The following ANO4 variants were observed in gnomAD, a reference collection of about 807,000 sequenced individuals.
ANO4 encodes the protein anoctamin-4.
Under a neutral mutation model 141.9 loss-of-function variants are expected in ANO4, and 69 were observed. The observed-to-expected ratio is 0.49, with a 90% CI of 0.40 to 0.59. ANO4 has a LOEUF of 0.59. Among genes scored for constraint, ANO4 ranks in the 20% least tolerant of loss-of-function variants. ANO4 has a pLI of 0.00. For synonymous variants in ANO4, 350 were observed against 394.3 expected, an observed-to-expected ratio of 0.89 and a Z score of 1.33; for missense variants, 894 against 1,162.2, an observed-to-expected ratio of 0.77 and a Z score of 3.36.
chr12:100,930,526 G>C (rs1000108520), intron 3 of ANO4, among the ~76,000 whole-genome samples: 15 of 152,094 alleles, frequency 9.9e-5, no homozygotes, highest in Admixed American at 9.8e-4. Context: ...TCTCTGTTCT[G>C]TTCCACTAAT....
chr12:100,789,943 C>T (rs1431983605), upstream of ANO4, among the ~76,000 whole-genome samples: 4 of 151,986 alleles, frequency 2.6e-5, no homozygotes, highest in South Asian at 2.1e-4. Flanking sequence ...GATAAAAAGA[C>T]GAGAAAAAAC....
chr12:101,020,881 A>G (rs1316705215), intron 9 of ANO4, among the ~76,000 whole-genome samples: 1 of 152,140 alleles, frequency 6.6e-6, no homozygotes, highest in Non-Finnish European at 1.5e-5. Context: ...CAAGTTTTTT[A>G]TCAATAGTTT....
chr12:100,788,938 C>T (rs1256390661), intron 3 of ANO4, among the ~76,000 whole-genome samples: 2 of 151,496 alleles, frequency 1.3e-5, no homozygotes, highest in African/African-American at 2.4e-5. Flanking sequence ...GATAAGAAGC[C>T]ATTCCAGGAT....
chr12:101,008,642 G>A (rs992443390), intron 8 of ANO4, among the ~76,000 whole-genome samples: 1 of 151,984 alleles, frequency 6.6e-6, no homozygotes, highest in Non-Finnish European at 1.5e-5. Context: ...TGCTTGAACT[G>A]GAGTAACTCA....
intron 1 of ANO4, chr12:100,733,679 G>T (rs2031483919): frequency 3.2e-6 from 2 of 620,714 alleles, no homozygotes; most frequent in East Asian, 2.8e-5. Flanking sequence ...TAGACAAGGA[G>T]AGCTGGTTTA....
Position 100,771,954 on chromosome 12 carries a change from T to C in ANO4, c.358+31849T>C, listed in dbSNP as rs113823955. Among the ~76,000 whole-genome samples, 502 of 152,324 alleles carry C rather than the reference T, an allele frequency of 3.3e-3. 3 individuals carry two copies. The highest frequency in any genetic ancestry group is 0.011 in the African/African-American group (475 of 41,566). ...GTTCTTCTAGGCAAAGCCTTTGTCATTGCCTATGATCACACATGAAAAATC... is the reference window on the plus strand; with the variant it reads ...GTTCTTCTAGGCAAAGCCTTTGTCACTGCCTATGATCACACATGAAAAATC... On this transcript the variant is annotated intron_variant, in intron 3 of 29. Coordinates refer to the ANO4 transcript ENST00000644049.
chr12:101,006,148 C>T, intron 8 of ANO4, among the ~76,000 whole-genome samples: 1 of 152,200 alleles, frequency 6.6e-6, no homozygotes, highest in East Asian at 1.9e-4. Context: ...TATTCCCCAG[C>T]CTTTTTCTAC....
intron 1 of ANO4, among the ~76,000 whole-genome samples, chr12:100,825,808 G>A (rs2036303293): frequency 6.6e-6 from 1 of 152,062 alleles, no homozygotes; most frequent in African/African-American, 2.4e-5. Context: ...AGGGAATTAT[G>A]TGATTTTGGG....
intron 14 of ANO4, among the ~76,000 whole-genome samples, chr12:101,073,545 C>T (rs2048905792): frequency 7.4e-6 from 1 of 136,024 alleles, no homozygotes. Context: ...ACGTTGTGCA[C>T]ATATACCCTA....
At chr12:100,794,586 G>A (rs910995805), upstream of ANO4, 1 of 152,252 alleles carries the variant, frequency 6.6e-6, no homozygotes, top group Non-Finnish European at 1.5e-5. Context: ...GGCAATAACT[G>A]ATATGGAATA....
chr12:100,835,180 G>A (rs1376707932), intron 1 of ANO4, among the ~76,000 whole-genome samples: 2 of 152,180 alleles, frequency 1.3e-5, no homozygotes, highest in Non-Finnish European at 2.9e-5. Flanking sequence ...GATGGGCCTG[G>A]TTAGATCTCT....
At chr12:100,982,877 A>C (rs1195901099) in intron 7 of ANO4, among the ~76,000 whole-genome samples, 2 of 152,260 alleles carry the variant, frequency 1.3e-5, no homozygotes, top group South Asian at 4.1e-4. Context: ...CAAATCACCA[A>C]CAACCTGTAG....
At chr12:101,119,119 G>C (rs1442792987) in intron 25 of ANO4, among the ~76,000 whole-genome samples, 1 of 151,958 alleles carries the variant, frequency 6.6e-6, no homozygotes, top group Non-Finnish European at 1.5e-5. Context: ...GTCTATCATT[G>C]ATGGAGCTTT....
chr12:100,876,121 A>G (rs927302432), intron 1 of ANO4, among the ~76,000 whole-genome samples: 1 of 152,064 alleles, frequency 6.6e-6, no homozygotes, highest in Non-Finnish European at 1.5e-5. Context: ...AGTGCTCCGT[A>G]TTTTTATTTT....
intron 1 of ANO4, among the ~76,000 whole-genome samples, chr12:100,820,512 C>A (rs2035993054): frequency 6.6e-6 from 1 of 151,986 alleles, no homozygotes; most frequent in African/African-American, 2.4e-5. Context: ...CAAATGCATG[C>A]CTCAGAATTG....
At chr12:100,822,217 G>A (rs1290480302) in intron 1 of ANO4, among the ~76,000 whole-genome samples, 5 of 151,924 alleles carry the variant, frequency 3.3e-5, no homozygotes, top group Admixed American at 3.3e-4. Context: ...ATCAGCAAAG[G>A]CCTGTGCTTC....
chr12:100,764,764 C>T (rs975827108), intron 3 of ANO4, among the ~76,000 whole-genome samples: 2 of 152,150 alleles, frequency 1.3e-5, no homozygotes, highest in African/African-American at 4.8e-5. Flanking sequence ...AGACTTTTCC[C>T]ACAGTTTAAA....
chr12:100,748,343 A>G (rs1018520539), intron 3 of ANO4, among the ~76,000 whole-genome samples: 1 of 152,200 alleles, frequency 6.6e-6, no homozygotes, highest in African/African-American at 2.4e-5. Flanking sequence ...CACGAGATGC[A>G]GAGTAATTGG....
At chr12:100,797,603 T>C (rs2034412517) in intron 1 of ANO4, among the ~76,000 whole-genome samples, 1 of 152,154 alleles carries the variant, frequency 6.6e-6, no homozygotes. Flanking sequence ...TTAAAATGGG[T>C]CTGGAAACAC....
Sources: allele counts gnomAD v4.1 joint callset (sites outside exome capture counted in the v4.1 genomes callset), GRCh38; gene constraint gnomAD v4.1.1; transcripts MANE v1.5; gene names NCBI Gene and HGNC (gene_info 2026-07-23, HGNC 2026-07-21).